WDFY4: variants seen among roughly 807,000 people sequenced by gnomAD.
WDFY4 encodes the protein WDFY family member 4, also known as WD repeat- and FYVE domain-containing protein 4.
A neutral mutation model predicts 351.9 loss-of-function variants in WDFY4; 169 were observed. The ratio of observed to expected loss-of-function variants is 0.48; its 90% CI spans 0.42 to 0.55. The LOEUF is 0.55. Ranked by LOEUF, WDFY4 falls within the 20% of genes least tolerant of loss-of-function variation. The probability of loss-of-function intolerance (pLI) is 0.00; values close to 1 mark genes in which losing one functional copy is unlikely to be tolerated. For synonymous variants in WDFY4, 1,622 were observed against 1,574.6 expected (o/e 1.03, Z -0.71); for missense variants, 3,803 against 3,935.6 (o/e 0.97, Z 0.90).
intron 2 of WDFY4, among the ~76,000 whole-genome samples, chr10:48,719,300 G>A (rs536444112): frequency 9.2e-5 from 14 of 152,224 alleles, no homozygotes; most frequent in African/African-American, 3.4e-4. Context: ...CATGAAAAGA[G>A]GTTATCCACC....
In WDFY4 at chr10:48,731,119, T is replaced by G; in HGVS notation, c.1139T>G (p.Val380Gly). 1 of 1,543,366 alleles carries G rather than the reference T, an allele frequency of 6.5e-7. No homozygotes were observed. Among genetic ancestry groups the G allele is most frequent in the Non-Finnish European group, 8.8e-7 (1 of 1,141,454 alleles). The change falls in exon 9 of 62, where the codon GTT becomes GGT. Residue 380 changes from valine (V) to glycine (G), a missense_variant. Coordinates refer to ENST00000325239, the MANE Select transcript of WDFY4 (RefSeq NM_001394531.1). ...TTGTTTTCCTCCTCAGGGGTGACTG[T>G]TAAGAATCTTCAGGCCTTCCAGGTC... ...KFHHEASGVT[V>G]KNLQAFQVLQ...
intron 13 of WDFY4, among the ~76,000 whole-genome samples, chr10:48,769,007 G>T (rs919323661): frequency 1.3e-5 from 2 of 152,160 alleles, no homozygotes; most frequent in South Asian, 4.1e-4. Context: ...AGGATAGGAA[G>T]AAAAATGGGA....
chr10:48,752,712 C>T (rs2065220107), intron 12 of WDFY4, among the ~76,000 whole-genome samples: 1 of 152,206 alleles, frequency 6.6e-6, no homozygotes, highest in African/African-American at 2.4e-5. Context: ...ATCAGTACTT[C>T]TTTCCTTTTT....
intron 47 of WDFY4, among the ~76,000 whole-genome samples, chr10:48,917,859 C>A (rs377422491): frequency 5.9e-5 from 9 of 152,070 alleles, no homozygotes; most frequent in African/African-American, 1.9e-4. Context: ...TCTAAATACC[C>A]TTAAAATATG....
intron 55 of WDFY4, chr10:48,968,682 A>C: frequency 4.5e-6 from 1 of 222,356 alleles, no homozygotes; most frequent in Non-Finnish European, 9.0e-6. Context: ...GGAAGAGGCT[A>C]GGGTCTGAAG....
intron 47 of WDFY4, among the ~76,000 whole-genome samples, chr10:48,917,128 T>A (rs1564483698): frequency 6.6e-6 from 1 of 152,228 alleles, no homozygotes; most frequent in Non-Finnish European, 1.5e-5. Flanking sequence ...GTAGTCTACC[T>A]AGGTCTATAG....
intron 39 of WDFY4, among the ~76,000 whole-genome samples, chr10:48,845,053 A>T (rs1490354918): frequency 6.6e-6 from 1 of 152,154 alleles, no homozygotes; most frequent in East Asian, 1.9e-4. Context: ...GGACCCAGCA[A>T]ATGCCAAAGC....
chr10:48,810,921 C>T (rs565223979), intron 29 of WDFY4, among the ~76,000 whole-genome samples, 186 bp downstream of exon 29: 7 of 152,258 alleles, frequency 4.6e-5, no homozygotes, highest in South Asian at 2.1e-4. Flanking sequence ...CAGGATCCCC[C>T]GCAGCCTCAC....
At chr10:48,963,173 C>A (rs1424812951) in intron 53 of WDFY4, among the ~76,000 whole-genome samples, 1 of 152,184 alleles carries the variant, frequency 6.6e-6, no homozygotes, top group South Asian at 2.1e-4. Flanking sequence ...CACCAAAAGG[C>A]GGTGTTCATG....
At chr10:48,858,309 T>C (rs2069211587) in intron 39 of WDFY4, among the ~76,000 whole-genome samples, 1 of 152,230 alleles carries the variant, frequency 6.6e-6, no homozygotes, top group Non-Finnish European at 1.5e-5. Context: ...TGCTTATCCC[T>C]AGATATGAAA....
rs1355199866 is a variant in WDFY4, at chr10:48,946,100, A to G, written c.7810A>G (p.Thr2604Ala). 4.1e-5 allele frequency: 64 copies of G among 1,549,302 alleles called. No individual in the cohort carries two copies. The highest frequency in any genetic ancestry group is 5.5e-5 in the Non-Finnish European group (63 of 1,146,416). Residue 2604 changes from threonine (T) to alanine (A), a missense_variant, in exon 50 of 62, where the codon ACC becomes GCC. Coordinates refer to ENST00000325239, the MANE Select transcript of WDFY4 (RefSeq NM_001394531.1). ...TCTTTCAAAGCCCATGGGGGCTCAG[A>G]CCAAGGAAAGGAAGCTGAAATTTAT... is the stretch of plus-strand genomic sequence containing the variant. ...RDLSKPMGAQTKERKLKFIQR... is the reference protein window; with the variant it reads ...RDLSKPMGAQAKERKLKFIQR...
rs1565199205 is a variant in WDFY4 at position 48,787,950 on chromosome 10, T to TCTTCTC, written c.3809-575_3809-574insCCTTCT. On this transcript the variant is annotated intron_variant, in intron 20 of 61. Transcript: ENST00000325239. ...TTCTTCTTCTTCTTCTTCTTCTTCTTCTTCTTCTTCTTCTTCTTCTTCTTC... is the reference window on the plus strand; with the variant it reads ...TTCTTCTTCTTCTTCTTCTTCTTCTTCTTCTCCTTCTTCTTCTTCTTCTTCTTCTTC... 4.8e-4 allele frequency among the ~76,000 whole-genome samples: 48 copies of TCTTCTC among 100,688 alleles called. 6 individuals carry two copies. Among genetic ancestry groups the TCTTCTC allele is most frequent in the South Asian group, 4.6e-3 (12 of 2,616 alleles). The allele number at this position is 100,688 out of a possible 152,430, so 66.1% of individuals were successfully genotyped here.
intron 32 of WDFY4, 67 bp downstream of exon 32, chr10:48,817,476 G>A: frequency 2.1e-6 from 3 of 1,454,256 alleles, no homozygotes; most frequent in East Asian, 2.5e-5. Flanking sequence ...AAGGGCAAAG[G>A]GCAAAATCCC....
intron 47 of WDFY4, chr10:48,913,673 C>T (rs750917616): frequency 6.2e-7 from 1 of 1,613,550 alleles, no homozygotes; most frequent in Non-Finnish European, 8.5e-7. Flanking sequence ...TGGAGATGCT[C>T]ACGGGGATGT....
chr10:48,762,582 A>G (rs889978683), intron 13 of WDFY4, among the ~76,000 whole-genome samples: 3 of 151,720 alleles, frequency 2.0e-5, no homozygotes, highest in African/African-American at 7.3e-5. Context: ...GTGGGGTTGA[A>G]CCTCCCAGGA....
intron 40 of WDFY4, 70 bp from the exon 41 acceptor site, chr10:48,873,421 A>T: frequency 6.9e-7 from 1 of 1,448,974 alleles, no homozygotes; most frequent in Non-Finnish European, 9.1e-7. Context: ...TCACCCCAGG[A>T]GGTTTGGGGC....
intron 47 of WDFY4, among the ~76,000 whole-genome samples, chr10:48,924,297 C>T (rs1032303809): frequency 6.6e-6 from 1 of 152,218 alleles, no homozygotes; most frequent in East Asian, 1.9e-4. Flanking sequence ...TCCATCCTGA[C>T]CCCCTAAGCT....
chr10:48,708,674 G>C (rs2063695216), intron 1 of WDFY4, among the ~76,000 whole-genome samples: 1 of 152,188 alleles, frequency 6.6e-6, no homozygotes, highest in Non-Finnish European at 1.5e-5. Flanking sequence ...ATTGGCCCTT[G>C]GCTGTTTTCA....
At chr10:48,947,420 C>G (rs545559732) in intron 51 of WDFY4, among the ~76,000 whole-genome samples, 10 of 152,308 alleles carry the variant, frequency 6.6e-5, no homozygotes, top group South Asian at 2.1e-4. Context: ...AAGGACAAAA[C>G]CAACTTACCC....
Sources: gnomAD v4.1 joint callset for allele counts (sites outside exome capture counted in the v4.1 genomes callset) on GRCh38, gnomAD v4.1.1 for gene constraint, MANE v1.5 for transcripts, NCBI Gene and HGNC (gene_info 2026-07-23, HGNC 2026-07-21) for gene names.